Variants in DLG2 observed in about 807,000 individuals in gnomAD.
DLG2 encodes disks large homolog 2.
Under a neutral mutation model 132.5 loss-of-function variants are expected in DLG2, and 45 were observed. That is an observed-to-expected ratio of 0.34 (90% CI 0.27 to 0.44). The LOEUF is 0.44. Among genes scored for constraint, DLG2 ranks in the 20% least tolerant of loss-of-function variants. DLG2 has a pLI of 1.00. For synonymous variants in DLG2, 424 were observed against 419.6 expected (o/e 1.01, Z -0.13); for missense variants, 1,045 against 1,196.9 (o/e 0.87, Z 1.87).
chr11:85,438,807 C>T (rs2091626449), intron 3 of DLG2, among the ~76,000 whole-genome samples: 1 of 152,158 alleles, frequency 6.6e-6, no homozygotes, highest in Non-Finnish European at 1.5e-5. Context: ...AAGGACACCT[C>T]TTGTCCTTTT....
At chr11:83,510,791 T>C (rs2094965459) in intron 21 of DLG2, among the ~76,000 whole-genome samples, 1 of 148,548 alleles carries the variant, frequency 6.7e-6, no homozygotes, top group Non-Finnish European at 1.5e-5. Context: ...ATTTACAATG[T>C]GAGAGCATGT....
intron 16 of DLG2, among the ~76,000 whole-genome samples, chr11:83,862,162 G>A (rs1017695253): frequency 1.3e-5 from 2 of 152,006 alleles, no homozygotes; most frequent in South Asian, 2.1e-4. Flanking sequence ...AGCACTATTC[G>A]CAATAGCCAA....
intron 21 of DLG2, among the ~76,000 whole-genome samples, chr11:83,500,491 A>T (rs541965014): frequency 6.6e-6 from 1 of 152,242 alleles, no homozygotes; most frequent in African/African-American, 2.4e-5. Context: ...CCACGGCTAC[A>T]TTTCTTCCAA....
intron 6 of DLG2, among the ~76,000 whole-genome samples, chr11:84,788,100 C>CAAAAAAAAAAAA (rs139086655): frequency 3.1e-4 from 14 of 45,664 alleles, no homozygotes; most frequent in Non-Finnish European, 4.2e-4. Flanking sequence ...GAATATGTCT[C>CAAAAAAAAAAAA]AAAAAAAAAA....
intron 6 of DLG2, among the ~76,000 whole-genome samples, chr11:85,022,192 G>C (rs146483803): frequency 6.6e-6 from 1 of 151,740 alleles, no homozygotes; most frequent in South Asian, 2.1e-4. Context: ...AAAATAAGGT[G>C]AGTCTATATA....
At chr11:84,919,685 A>G (rs2092668886) in intron 6 of DLG2, among the ~76,000 whole-genome samples, 1 of 152,198 alleles carries the variant, frequency 6.6e-6, no homozygotes. Context: ...GTAGCAATGA[A>G]AAAAGGGAAA....
At chr11:84,799,723 G>A (rs539519972) in intron 6 of DLG2, among the ~76,000 whole-genome samples, 2 of 152,018 alleles carry the variant, frequency 1.3e-5, no homozygotes, top group South Asian at 2.1e-4. Flanking sequence ...CTTGTCAAAC[G>A]GCACTGTAAA....
At chr11:84,560,092 T>C (rs200850056) in intron 6 of DLG2, among the ~76,000 whole-genome samples, 2 of 152,092 alleles carry the variant, frequency 1.3e-5, no homozygotes, top group East Asian at 3.8e-4. Flanking sequence ...TTTTGCATAA[T>C]CTTTTTAGAT....
At chr11:84,863,266 G>A (rs138473793) in intron 6 of DLG2, among the ~76,000 whole-genome samples, 1 of 152,120 alleles carries the variant, frequency 6.6e-6, no homozygotes, top group Non-Finnish European at 1.5e-5. Flanking sequence ...CCCAGTGCCA[G>A]CTCTTGCCAT....
At chr11:85,377,350 G>C (rs1306789125) in intron 3 of DLG2, among the ~76,000 whole-genome samples, 1 of 152,074 alleles carries the variant, frequency 6.6e-6, no homozygotes, top group Non-Finnish European at 1.5e-5. Flanking sequence ...GTGTGAACTT[G>C]GGCAAGTTAT....
chr11:83,796,318 C>A (rs1211690558), intron 17 of DLG2, among the ~76,000 whole-genome samples: 1 of 152,122 alleles, frequency 6.6e-6, no homozygotes, highest in Admixed American at 6.5e-5. Flanking sequence ...TGAAAAAAAC[C>A]AAAACAGTTC....
At chr11:84,009,040 A>G (rs1431188655) in intron 11 of DLG2, among the ~76,000 whole-genome samples, 2 of 151,828 alleles carry the variant, frequency 1.3e-5, no homozygotes, top group East Asian at 3.9e-4. Context: ...TTCAATAAAT[A>G]TCTGTTAACA....
Position 83,837,723 on chromosome 11 carries a change from C to CAAAAAAAAAAAAAAAAAAAAA in DLG2, c.1566-3974_1566-3954dup. Among the ~76,000 whole-genome samples, 13 of 45,952 alleles carry CAAAAAAAAAAAAAAAAAAAAA rather than the reference C, an allele frequency of 2.8e-4. 1 individual carries two copies. Among genetic ancestry groups the CAAAAAAAAAAAAAAAAAAAAA allele is most frequent in the South Asian group, 1.5e-3 (1 of 674 alleles). The allele number at this position is 45,952 out of a possible 152,430, so 30.1% of individuals were successfully genotyped here. On this transcript the variant is annotated intron_variant, in intron 16 of 27. Coordinates refer to ENST00000376104, the MANE Select transcript of DLG2 (RefSeq NM_001142699.3). ...GTGCTCTGTCCAAATACATAGCAAG[C>CAAAAAAAAAAAAAAAAAAAAA]AAAAAAAAAAAAAAAAAAAAAAAAG...
intron 7 of DLG2, among the ~76,000 whole-genome samples, chr11:84,296,299 G>C (rs2098087754): frequency 6.6e-6 from 1 of 152,036 alleles, no homozygotes; most frequent in South Asian, 2.1e-4. Flanking sequence ...CCTGTGATAT[G>C]ATTTTGTTAC....
At chr11:85,125,495 A>G (rs1334641378) in intron 5 of DLG2, among the ~76,000 whole-genome samples, 1 of 152,202 alleles carries the variant, frequency 6.6e-6, no homozygotes, top group Non-Finnish European at 1.5e-5. Context: ...GTAATTTTAA[A>G]TTAAGCCCTA....
At chr11:85,160,375 C>T (rs1429133427) in intron 4 of DLG2, among the ~76,000 whole-genome samples, 2 of 152,136 alleles carry the variant, frequency 1.3e-5, no homozygotes, top group Non-Finnish European at 2.9e-5. Flanking sequence ...CTTCGGCAGG[C>T]CCCCATAGGT....
chr11:84,012,369 C>T (rs1027123124), intron 11 of DLG2, among the ~76,000 whole-genome samples: 1 of 152,120 alleles, frequency 6.6e-6, no homozygotes, highest in Non-Finnish European at 1.5e-5. Flanking sequence ...GGGAGTCAAG[C>T]TACTCTTGAC....
chr11:85,530,342 A>T (rs1417448713), intron 3 of DLG2, among the ~76,000 whole-genome samples: 12 of 129,472 alleles, frequency 9.3e-5, no homozygotes, highest in African/African-American at 3.2e-4. Context: ...TTTTTTTGAG[A>T]CAGAGTCTCG....
chr11:84,423,586 T>A (rs957665519), intron 7 of DLG2, among the ~76,000 whole-genome samples: 1 of 152,208 alleles, frequency 6.6e-6, no homozygotes, highest in Non-Finnish European at 1.5e-5. Context: ...GTCTTCCTCA[T>A]ACACTGTTGA....
Sources: allele counts gnomAD v4.1 joint callset (sites outside exome capture counted in the v4.1 genomes callset), GRCh38; gene constraint gnomAD v4.1.1; transcripts MANE v1.5; gene names NCBI Gene and HGNC (gene_info 2026-07-23, HGNC 2026-07-21).